TMEM161B: variants seen among roughly 807,000 people sequenced by gnomAD.
TMEM161B encodes transmembrane protein 161B.
In TMEM161B, 34 loss-of-function variants were observed where a neutral mutation model predicts 61.8. The ratio of observed to expected loss-of-function variants is 0.55; its 90% CI spans 0.42 to 0.73. The LOEUF is 0.73. Ranked by LOEUF, TMEM161B falls within the 30% of genes least tolerant of loss-of-function variation. The pLI is 0.00. For synonymous variants in TMEM161B, 167 were observed against 192.8 expected, an observed-to-expected ratio of 0.87 and a Z score of 1.11; for missense variants, 456 against 558.5, an observed-to-expected ratio of 0.82 and a Z score of 1.85.
downstream of TMEM161B, among the ~76,000 whole-genome samples, chr5:88,191,481 T>C (rs1320476535): frequency 1.3e-5 from 2 of 152,208 alleles, no homozygotes; most frequent in Admixed American, 1.3e-4. Context: ...GCACTCAACA[T>C]GTATTTACTG....
At chr5:88,254,380 A>C (rs977001685) in intron 1 of TMEM161B, among the ~76,000 whole-genome samples, 1 of 152,196 alleles carries the variant, frequency 6.6e-6, no homozygotes, top group Non-Finnish European at 1.5e-5. Context: ...TCTCCTAAGA[A>C]CCACAATGGG....
At chr5:88,200,453 T>C (rs1744179276) in intron 9 of TMEM161B, 1 of 152,074 alleles carries the variant, frequency 6.6e-6, no homozygotes, top group Non-Finnish European at 1.5e-5. Flanking sequence ...CCTCCAGTTG[T>C]GCAACAAGGA....
chr5:88,262,838 G>A (rs1755851370), intron 1 of TMEM161B, among the ~76,000 whole-genome samples: 1 of 151,860 alleles, frequency 6.6e-6, no homozygotes, highest in South Asian at 2.1e-4. Context: ...GTGGGAGCAG[G>A]GAATATCTAG....
chr5:88,264,166 A>T (rs1756050214), intron 1 of TMEM161B, among the ~76,000 whole-genome samples: 1 of 152,154 alleles, frequency 6.6e-6, no homozygotes, highest in Admixed American at 6.5e-5. Flanking sequence ...AAAAAAAACA[A>T]AACTTAATTG....
Position 88,216,133 on chromosome 5 carries a change from C to T in TMEM161B, c.446+4430G>A, listed in dbSNP as rs1005139817. ...TAGCTGGGTGAAACTGCAGTCCTAG[C>T]TGCTCTGGAGGCTGAGGCAGGAGGA... is the stretch of plus-strand genomic sequence containing the variant. On this transcript the variant is annotated intron_variant, in intron 5 of 11. Transcript: ENST00000296595. Among the ~76,000 whole-genome samples, 9 of 152,264 alleles carry T rather than the reference C, an allele frequency of 5.9e-5. No homozygotes were observed. In the East Asian group the frequency reaches 1.5e-3, roughly 26 times the overall value.
intron 4 of TMEM161B, chr5:88,221,867 T>C: frequency 2.4e-6 from 1 of 409,112 alleles, no homozygotes; most frequent in Non-Finnish European, 4.9e-6. Flanking sequence ...TCATGAAATA[T>C]AATGCAATTA....
At chr5:88,197,586 G>T in intron 11 of TMEM161B, 83 bp downstream of exon 11, 1 of 1,128,338 alleles carries the variant, frequency 8.9e-7, no homozygotes, top group Non-Finnish European at 1.3e-6. Flanking sequence ...TTTAAGAGTT[G>T]CATTTCTTTG....
At chr5:88,190,824 T>C (rs148802588), downstream of TMEM161B, among the ~76,000 whole-genome samples, 4 of 152,352 alleles carry the variant, frequency 2.6e-5, no homozygotes, top group East Asian at 5.8e-4. Flanking sequence ...TTTAAATTAA[T>C]ATTATTCCAT....
chr5:88,226,892 G>A (rs563309224), intron 3 of TMEM161B, among the ~76,000 whole-genome samples: 127 of 152,184 alleles, frequency 8.3e-4, no homozygotes, highest in South Asian at 3.5e-3. Flanking sequence ...CAGGAAGATC[G>A]AGGCAGGAGG....
Position 88,205,855 on chromosome 5 carries a change from C to A in TMEM161B, c.759G>T (p.Met253Ile). ...TTGCCAAATTCAGGGCATCCAGATGCATTTGAGCCAGTCGTAATCCAGGAA... is the reference window on the plus strand; with the variant it reads ...TTGCCAAATTCAGGGCATCCAGATGAATTTGAGCCAGTCGTAATCCAGGAA... ...LTFPGLRLAQMHLDALNLATE... is the reference protein window; with the variant it reads ...LTFPGLRLAQIHLDALNLATE... Residue 253 changes from methionine to isoleucine, a missense_variant, in exon 8 of 12, where the codon ATG becomes ATT. By Grantham distance (10) the Met-to-Ile change is conservative. This residue lies in a region of TMEM161B where 367 missense variants were observed against 427.3 expected (regional missense o/e 0.86). Coordinates refer to ENST00000296595, the MANE Select transcript of TMEM161B (RefSeq NM_153354.5). 6.2e-7 allele frequency: 1 copy of A among 1,612,900 alleles called. No homozygotes were observed. Among genetic ancestry groups the A allele is most frequent in the East Asian group, 2.2e-5 (1 of 44,732 alleles).
At chr5:88,219,364 G>GA (rs1215361202) in intron 5 of TMEM161B, among the ~76,000 whole-genome samples, 1 of 152,120 alleles carries the variant, frequency 6.6e-6, no homozygotes, top group Non-Finnish European at 1.5e-5. Context: ...GAATGGCCTT[G>GA]AAAGTACATA....
intron 5 of TMEM161B, among the ~76,000 whole-genome samples, chr5:88,219,941 C>T (rs1474431311): frequency 2.0e-5 from 3 of 151,598 alleles, no homozygotes; most frequent in Non-Finnish European, 2.9e-5. Context: ...AGGATATTAG[C>T]TATGCTGGAA....
intron 5 of TMEM161B, among the ~76,000 whole-genome samples, chr5:88,211,623 C>T (rs42298): frequency 0.29 from 43,811 of 149,372 alleles, 7,382 homozygotes; most frequent in African/African-American, 0.46. Flanking sequence ...CCGGGCGTGG[C>T]GGCGGGCGCG....
intron 1 of TMEM161B, among the ~76,000 whole-genome samples, chr5:88,250,060 C>CA (rs1308598856): frequency 5.9e-5 from 9 of 152,124 alleles, no homozygotes; most frequent in Admixed American, 2.6e-4. Context: ...CACAGAAAGA[C>CA]ACCAGATTCA....
At chr5:88,228,673 A>G in intron 2 of TMEM161B, 145 bp from the exon 3 acceptor site, 1 of 636,690 alleles carries the variant, frequency 1.6e-6, no homozygotes. Context: ...ACAAATACTA[A>G]CTCTTAAACT....
chr5:88,217,713 A>G (rs1333522418), intron 5 of TMEM161B, among the ~76,000 whole-genome samples: 4 of 152,148 alleles, frequency 2.6e-5, no homozygotes, highest in Non-Finnish European at 4.4e-5. Flanking sequence ...GGGTAAAAAG[A>G]TAATCTCTGG....
chr5:88,229,650 AT>A (rs1750650168), intron 2 of TMEM161B, among the ~76,000 whole-genome samples: 1 of 149,620 alleles, frequency 6.7e-6, no homozygotes, highest in Non-Finnish European at 1.5e-5. Context: ...CAAAGGCCCT[AT>A]TATTACAAAG....
intron 10 of TMEM161B, 71 bp from the exon 11 acceptor site, chr5:88,197,836 T>C: frequency 7.8e-7 from 1 of 1,278,176 alleles, no homozygotes; most frequent in Non-Finnish European, 1.1e-6. Flanking sequence ...TTTCATATAA[T>C]TGCCATACCA....
chr5:88,234,722 GA>G (rs1468394829), intron 2 of TMEM161B, among the ~76,000 whole-genome samples: 2 of 151,992 alleles, frequency 1.3e-5, no homozygotes, highest in East Asian at 1.9e-4. Flanking sequence ...TTTGAAATGG[GA>G]AAAAATATAT....
Sources: gnomAD v4.1 joint callset for allele counts (sites outside exome capture counted in the v4.1 genomes callset) on GRCh38, gnomAD v4.1.1 for gene constraint, gnomAD v4.1.1 regional missense constraint, MANE v1.5 for transcripts, NCBI Gene and HGNC (gene_info 2026-07-23, HGNC 2026-07-21) for gene names.